The following ADGRE2 variants were observed in gnomAD, a reference collection of about 807,000 sequenced individuals.
The protein encoded by ADGRE2 is CD97 antigen.
ADGRE2 carries 83 observed loss-of-function variants against 100.8 expected under a neutral mutation model. That is an observed-to-expected ratio of 0.82 (90% CI 0.69 to 0.99). The LOEUF is 0.99. ADGRE2 is among the 50% of genes least tolerant of loss of function. ADGRE2 has a pLI of 0.00. For synonymous variants in ADGRE2, 355 were observed against 413.0 expected (o/e 0.86, Z 1.70); for missense variants, 814 against 1,035.7 (o/e 0.79, Z 2.94).
intron 20 of ADGRE2, chr19:14,741,546 G>A (rs1242708088): frequency 6.8e-6 from 1 of 146,508 alleles, no homozygotes; most frequent in Non-Finnish European, 1.5e-5. Context: ...GCGCGATCTC[G>A]GCTCACTGCC....
chr19:14,765,180 C>T, intron 10 of ADGRE2, 140 bp downstream of exon 10: 1 of 844,510 alleles, frequency 1.2e-6, no homozygotes, highest in Non-Finnish European at 1.9e-6. Flanking sequence ...TTAGCTTCCA[C>T]CAGCCCTGAA....
chr19:14,736,518 C>A (rs1424018741), intron 20 of ADGRE2, among the ~76,000 whole-genome samples: 1 of 151,724 alleles, frequency 6.6e-6, no homozygotes, highest in Non-Finnish European at 1.5e-5. Context: ...GCCTCAGCCT[C>A]CCAAAGTGCT....
At chr19:14,749,719 G>T in intron 16 of ADGRE2, among the ~76,000 whole-genome samples, 2 of 130,162 alleles carry the variant, frequency 1.5e-5, no homozygotes, top group African/African-American at 2.9e-5. Context: ...ATTATTTATA[G>T]CTATGTTATG....
chr19:14,768,978 G>A (rs979939270), intron 5 of ADGRE2: 1 of 152,268 alleles, frequency 6.6e-6, no homozygotes, highest in African/African-American at 2.4e-5. Flanking sequence ...GCTGTGTGGA[G>A]ACTGTCTCAT....
intron 14 of ADGRE2, among the ~76,000 whole-genome samples, chr19:14,754,297 C>CTA (rs2043405081): frequency 9.5e-6 from 1 of 104,746 alleles, no homozygotes; most frequent in Non-Finnish European, 2.0e-5. Flanking sequence ...CTATATCTAT[C>CTA]TATATATATA....
intron 15 of ADGRE2, among the ~76,000 whole-genome samples, chr19:14,751,910 C>T (rs886110609): frequency 1.7e-3 from 113 of 66,238 alleles, no homozygotes; most frequent in African/African-American, 6.3e-3. Context: ...CACACACACA[C>T]ACATATATAT....
downstream of ADGRE2, chr19:14,731,363 T>A: frequency 1.6e-6 from 1 of 630,908 alleles, no homozygotes; most frequent in Non-Finnish European, 2.7e-6. Context: ...CCGGGCTCCT[T>A]AACTTCCGGC....
In ADGRE2 at chr19:14,774,063, G is replaced by T; in HGVS notation, c.83-9C>A. On this transcript the variant is annotated splice_polypyrimidine_tract_variant and intron_variant, in intron 3 of 20. Transcript: ENST00000315576. ...GCACCACCGGGCACAGCCTGCAAGA[G>T]CAGGGAGCACGGTCAGAAGGTGAGG... 6.2e-7 allele frequency: 1 copy of T among 1,612,622 alleles called. No individual in the cohort carries two copies. The highest frequency in any genetic ancestry group is 2.2e-5 in the East Asian group (1 of 44,856).
At chr19:14,752,662 C>A (rs1228111733) in intron 14 of ADGRE2, 136 bp from the exon 15 acceptor site, 1 of 1,113,998 alleles carries the variant, frequency 9.0e-7, no homozygotes, top group South Asian at 1.5e-5. Context: ...AAGATGTCAC[C>A]AATTTAATTT....
At chr19:14,776,265 C>CAG (rs1334832648) in intron 2 of ADGRE2, 13 of 166,462 alleles carry the variant, frequency 7.8e-5, no homozygotes, top group African/African-American at 1.9e-4. Context: ...AGGAGAAAGA[C>CAG]AGAGAGAGAG....
intron 16 of ADGRE2, among the ~76,000 whole-genome samples, chr19:14,747,933 A>G (rs1323744760): frequency 2.0e-5 from 3 of 152,108 alleles, no homozygotes; most frequent in Non-Finnish European, 2.9e-5. Flanking sequence ...CCAATTTTTG[A>G]CTATTCTAAA....
At chr19:14,760,039 C>T (rs189526730) in intron 11 of ADGRE2, among the ~76,000 whole-genome samples, 125 of 151,312 alleles carry the variant, frequency 8.3e-4, no homozygotes, top group Middle Eastern at 3.4e-3. Context: ...AGGATGGTGT[C>T]GATCTCCTGA....
At chr19:14,726,336 G>A in the ADGRE2 span, among the ~76,000 whole-genome samples, 17 of 152,238 alleles carry the variant, frequency 1.1e-4, no homozygotes, top group Admixed American at 3.3e-4. Flanking sequence ...GAAGATCCCC[G>A]AAATGCCTTC....
intron 7 of ADGRE2, 25 bp from the exon 8 acceptor site, chr19:14,765,829 G>C: frequency 6.2e-7 from 1 of 1,612,298 alleles, no homozygotes; most frequent in South Asian, 1.1e-5. Flanking sequence ...AAGGGGGTCA[G>C]GTCCTGTCCC....
intron 10 of ADGRE2, 68 bp downstream of exon 10, chr19:14,765,252 T>A (rs2043911276): frequency 1.3e-6 from 2 of 1,570,600 alleles, no homozygotes; most frequent in Non-Finnish European, 1.8e-6. Flanking sequence ...AGACCCAAAC[T>A]GCCCCAGGCC....
intron 11 of ADGRE2, among the ~76,000 whole-genome samples, chr19:14,757,926 C>T (rs564843831): frequency 4.6e-5 from 7 of 152,324 alleles, no homozygotes; most frequent in Admixed American, 4.6e-4. Context: ...GCCTCAGCCT[C>T]CTGAGTAGCT....
chr19:14,727,365 C>T, the ADGRE2 span, among the ~76,000 whole-genome samples: 1 of 152,266 alleles, frequency 6.6e-6, no homozygotes, highest in South Asian at 2.1e-4. Context: ...GTTTTGCAGG[C>T]TGCACAAACA....
At chr19:14,727,296 G>A in the ADGRE2 span, among the ~76,000 whole-genome samples, 13 of 152,254 alleles carry the variant, frequency 8.5e-5, no homozygotes, top group South Asian at 2.3e-3. Flanking sequence ...CCAAAATGCT[G>A]GGATTACAGG....
chr19:14,738,567 G>A (rs1040045839), intron 20 of ADGRE2, among the ~76,000 whole-genome samples: 57 of 152,140 alleles, frequency 3.7e-4, no homozygotes, highest in African/African-American at 1.1e-3. Context: ...TTGTAGAAAC[G>A]GAATTTTGCC....
Sources: allele counts gnomAD v4.1 joint callset (sites outside exome capture counted in the v4.1 genomes callset), GRCh38; gene constraint gnomAD v4.1.1; transcripts MANE v1.5; gene names NCBI Gene and HGNC (gene_info 2026-07-23, HGNC 2026-07-21).